Variants in ZSWIM6 observed in about 807,000 individuals in gnomAD.
The protein encoded by ZSWIM6 is zinc finger SWIM-type containing 6, also known as zinc finger SWIM domain-containing protein 6.
ZSWIM6 carries 9 observed loss-of-function variants against 113.2 expected under a neutral mutation model. The ratio of observed to expected loss-of-function variants is 0.08; its 90% CI spans 0.05 to 0.14. ZSWIM6 has a LOEUF of 0.14. ZSWIM6 is among the 10% of genes least tolerant of loss of function. ZSWIM6 has a pLI of 1.00. For synonymous variants in ZSWIM6, 611 were observed against 606.5 expected (o/e 1.01, Z -0.11); for missense variants, 1,162 against 1,552.2 (o/e 0.75, Z 4.22).
At chr5:61,433,862 CT>C (rs1008773400) in intron 1 of ZSWIM6, among the ~76,000 whole-genome samples, 10 of 151,358 alleles carry the variant, frequency 6.6e-5, no homozygotes, top group Admixed American at 1.3e-4. Context: ...ATATATAGAT[CT>C]TTTTTTCTGA....
rs1561205442 is a variant in ZSWIM6, at chr5:61,356,742, TA to T, written c.676+23795del. On this transcript the variant is annotated intron_variant, in intron 1 of 13. Transcript: ENST00000252744. ...ATAACATAATATATAATATATATTA[TA>T]TATATATATTATATATAATATGTAT... 5.9e-3 allele frequency among the ~76,000 whole-genome samples: 787 copies of T among 134,464 alleles called. 8 individuals carry two copies. Among genetic ancestry groups the T allele is most frequent in the African/African-American group, 0.019 (700 of 36,076 alleles). 88.2% of individuals were successfully genotyped at this position (134,464 alleles called of 152,430 possible).
intron 1 of ZSWIM6, among the ~76,000 whole-genome samples, chr5:61,384,007 C>T (rs374220170): frequency 3.4e-5 from 5 of 148,154 alleles, no homozygotes; most frequent in African/African-American, 9.9e-5. Flanking sequence ...TTTGGGAGGC[C>T]GAGGCAGGTG....
In ZSWIM6 at chr5:61,332,693, AGCGGTGGCGGCGGCGGCGCGGGCG is replaced by A; in HGVS notation, c.426_449del (p.Ala147_Gly154del). 1 of 999,472 alleles carries A rather than the reference AGCGGTGGCGGCGGCGGCGCGGGCG, an allele frequency of 1.0e-6. No homozygotes were observed. Among genetic ancestry groups the A allele is most frequent in the Non-Finnish European group, 1.2e-6 (1 of 837,234 alleles). 61.9% of individuals were successfully genotyped at this position (999,472 alleles called of 1,614,324 possible). A position where few individuals can be genotyped will look rare whatever the true frequency, so the allele number is the denominator to read the frequency against. ...CGCCGCGGGCGGCCCCGGCGACGAC[AGCGGTGGCGGCGGCGGCGCGGGCG>A]GCGGCGGCGGCGGCGGCTCCTCGTC... On this transcript the variant is annotated inframe_deletion, in exon 1 of 14. Coordinates refer to ENST00000252744, the MANE Select transcript of ZSWIM6 (RefSeq NM_020928.2).
chr5:61,401,131 C>T (rs1288028090), intron 1 of ZSWIM6, among the ~76,000 whole-genome samples: 1 of 151,900 alleles, frequency 6.6e-6, no homozygotes, highest in African/African-American at 2.4e-5. Flanking sequence ...TGTTAGTGGT[C>T]TTTACTAATA....
At chr5:61,446,264 C>T (rs1746952229) in intron 1 of ZSWIM6, among the ~76,000 whole-genome samples, 1 of 152,146 alleles carries the variant, frequency 6.6e-6, no homozygotes, top group African/African-American at 2.4e-5. Flanking sequence ...ACCTCATGAT[C>T]CACCTACTTC....
At chr5:61,515,959 C>G (rs1160789716) in intron 4 of ZSWIM6, among the ~76,000 whole-genome samples, 4 of 151,940 alleles carry the variant, frequency 2.6e-5, no homozygotes, top group African/African-American at 9.7e-5. Flanking sequence ...TTGGCTTTAT[C>G]TGATACTGAT....
intron 1 of ZSWIM6, among the ~76,000 whole-genome samples, chr5:61,379,157 C>G (rs1410003718): frequency 1.6e-5 from 2 of 128,496 alleles, no homozygotes; most frequent in African/African-American, 3.1e-5. Flanking sequence ...CTACTCCAGC[C>G]TGGGCAATAG....
In ZSWIM6 at chr5:61,356,769, AAT is replaced by A. The variant is rs1461832346; in HGVS notation, c.676+23831_676+23832del. Among the ~76,000 whole-genome samples the A allele has an allele frequency of 1.0e-3, 141 of 140,478 alleles. 2 individuals are homozygous for A. Among genetic ancestry groups the A allele is most frequent in the South Asian group, 3.0e-3 (14 of 4,702 alleles). 92.2% of individuals were successfully genotyped at this position (140,478 alleles called of 152,430 possible). On this transcript the variant is annotated intron_variant, in intron 1 of 13. Transcript: ENST00000252744. ...TATATATATTATATATAATATGTAT[AAT>A]ATATATATAAATATTTTATATATAA... is the stretch of plus-strand genomic sequence containing the variant.
intron 2 of ZSWIM6, among the ~76,000 whole-genome samples, chr5:61,489,804 CT>C: frequency 6.6e-6 from 1 of 152,116 alleles, no homozygotes; most frequent in Non-Finnish European, 1.5e-5. Context: ...TGAACATACA[CT>C]TTTTCAGGCA....
rs141374760 is a variant in ZSWIM6, at chr5:61,358,850, T to G, written c.676+25902T>G. Among the ~76,000 whole-genome samples, 27 of 152,298 alleles carry G rather than the reference T, an allele frequency of 1.8e-4. No individual in the cohort carries two copies. The East Asian group carries it at 4.3e-3, about 24-fold the overall frequency. ...ACCTCATAGCACACAGAAAATAATT[T>G]GTACTGCACTGGGGTAGGAGGTGAT... On this transcript the variant is annotated intron_variant, in intron 1 of 13. Coordinates refer to ENST00000252744, the MANE Select transcript of ZSWIM6 (RefSeq NM_020928.2).
At chr5:61,406,753 C>A (rs1390028343) in intron 1 of ZSWIM6, among the ~76,000 whole-genome samples, 1 of 151,332 alleles carries the variant, frequency 6.6e-6, no homozygotes, top group Middle Eastern at 3.2e-3. Context: ...TGCTCTGTCA[C>A]CCAGGCTGGA....
At chr5:61,516,458 A>AT (rs58867324) in intron 4 of ZSWIM6, among the ~76,000 whole-genome samples, 41 of 145,996 alleles carry the variant, frequency 2.8e-4, no homozygotes, top group African/African-American at 9.2e-4. Context: ...ATATATATAT[A>AT]AAAACTATAT....
chr5:61,498,785 C>T (rs1561264891), intron 4 of ZSWIM6, among the ~76,000 whole-genome samples: 1 of 152,152 alleles, frequency 6.6e-6, no homozygotes, highest in Non-Finnish European at 1.5e-5. Flanking sequence ...TTAAGTCACA[C>T]ATTCAAAATG....
chr5:61,476,672 A>G (rs1269655243), intron 2 of ZSWIM6, among the ~76,000 whole-genome samples: 1 of 152,200 alleles, frequency 6.6e-6, no homozygotes, highest in Non-Finnish European at 1.5e-5. Flanking sequence ...AGAAGCTGGT[A>G]TCTTTGCTAA....
intron 1 of ZSWIM6, among the ~76,000 whole-genome samples, chr5:61,372,661 C>T (rs1745289560): frequency 6.6e-6 from 1 of 152,192 alleles, no homozygotes; most frequent in Admixed American, 6.5e-5. Context: ...GTGTTCACTT[C>T]TCCTGAGCTC....
intron 1 of ZSWIM6, among the ~76,000 whole-genome samples, chr5:61,351,822 G>C (rs915176647): frequency 6.6e-6 from 1 of 151,970 alleles, no homozygotes; most frequent in African/African-American, 2.4e-5. Context: ...ACCATAGAGC[G>C]CCATTAAAAA....
chr5:61,485,074 T>C (rs1289553438), intron 2 of ZSWIM6, among the ~76,000 whole-genome samples: 1 of 152,126 alleles, frequency 6.6e-6, no homozygotes, highest in Non-Finnish European at 1.5e-5. Flanking sequence ...ATATGTGCAT[T>C]TCTCCCTCCC....
At chr5:61,349,357 T>A (rs1244025123) in intron 1 of ZSWIM6, among the ~76,000 whole-genome samples, 1 of 152,224 alleles carries the variant, frequency 6.6e-6, no homozygotes, top group African/African-American at 2.4e-5. Context: ...GACATTGAAA[T>A]GTCACTTGAA....
intron 1 of ZSWIM6, among the ~76,000 whole-genome samples, chr5:61,407,764 A>G (rs894081589): frequency 1.2e-4 from 18 of 152,348 alleles, no homozygotes; most frequent in Non-Finnish European, 2.2e-4. Context: ...AAAAATGTAA[A>G]TTAAGACTAC....
Sources: allele counts gnomAD v4.1 joint callset (sites outside exome capture counted in the v4.1 genomes callset), GRCh38; gene constraint gnomAD v4.1.1; transcripts MANE v1.5; gene names NCBI Gene and HGNC (gene_info 2026-07-23, HGNC 2026-07-21).